The following MYO7A variants were observed in gnomAD, a reference collection of about 807,000 sequenced individuals.
The protein encoded by MYO7A is myosin VIIA.
A neutral mutation model predicts 263.8 loss-of-function variants in MYO7A; 210 were observed. The ratio of observed to expected loss-of-function variants is 0.80; its 90% confidence interval spans 0.71 to 0.89. The LOEUF (loss-of-function observed/expected upper bound fraction) is 0.89. Among genes scored for constraint, MYO7A ranks in the 40% least tolerant of loss-of-function variants. MYO7A has a pLI of 0.00. For missense variants in MYO7A, 2,820 were observed against 2,968.3 expected, an observed-to-expected ratio of 0.95 and a Z score of 1.16; for synonymous variants, 1,239 against 1,197.3, an observed-to-expected ratio of 1.03 and a Z score of -0.72.
chr11:77,205,526 A>T lies in MYO7A; in HGVS notation c.5545A>T (p.Ile1849Phe). The part of the protein sequence containing the change: ...LCTGLFPPSN[I>F]LLPHVQRFLQ... ...CACGGGCCTTTTCCCACCCAGCAAC[A>T]TCCTCCTGCCCCACGTGCAGCGCTT... The change falls in exon 40 of 49, where the codon ATC becomes TTC. Residue 1849 changes from isoleucine (I) to phenylalanine (F), a missense_variant. Coordinates refer to ENST00000409709, the MANE Select transcript of MYO7A (RefSeq NM_000260.4). The T allele has an allele frequency of 6.2e-7, 1 of 1,606,948 alleles. No homozygotes were observed. The highest frequency in any genetic ancestry group is 8.5e-7 in the Non-Finnish European group (1 of 1,177,296).
intron 46 of MYO7A, 157 bp downstream of exon 46, chr11:77,212,094 G>A (rs756624320): frequency 4.2e-5 from 30 of 720,938 alleles, no homozygotes; most frequent in Middle Eastern, 2.3e-4. Context: ...CCAGCTTAGC[G>A]TCTTAGCTGG....
At chr11:77,196,588 A>G (rs1956680533) in intron 32 of MYO7A, among the ~76,000 whole-genome samples, 1 of 152,202 alleles carries the variant, frequency 6.6e-6, no homozygotes, top group Non-Finnish European at 1.5e-5. Flanking sequence ...TCCCAGATTC[A>G]CTGGGTGATA....
intron 4 of MYO7A, among the ~76,000 whole-genome samples, chr11:77,150,148 C>T (rs1241930187): frequency 2.6e-5 from 4 of 152,238 alleles, no homozygotes; most frequent in African/African-American, 9.6e-5. Flanking sequence ...AAGGCCCACT[C>T]TCCTGTCAGG....
At chr11:77,139,136 G>T (rs1016716741) in intron 2 of MYO7A, among the ~76,000 whole-genome samples, 3 of 152,228 alleles carry the variant, frequency 2.0e-5, no homozygotes, top group Non-Finnish European at 4.4e-5. Context: ...CCATTTCATG[G>T]CTGGTGGAAA....
chr11:77,145,783 T>A (rs561644586), intron 3 of MYO7A, among the ~76,000 whole-genome samples: 47 of 152,104 alleles, frequency 3.1e-4, no homozygotes, highest in African/African-American at 1.1e-3. Flanking sequence ...TCAGGGAAAC[T>A]GGGGTGGGGG....
chr11:77,173,421 C>T (rs533628851), intron 16 of MYO7A, among the ~76,000 whole-genome samples: 55 of 152,330 alleles, frequency 3.6e-4, no homozygotes, highest in African/African-American at 1.3e-3. Context: ...ATTTGTTGGG[C>T]CCTTTCTGTG....
Position 77,214,805 on chromosome 11 carries a change from G to T in MYO7A, c.*109G>T. 2.2e-6 allele frequency: 2 copies of T among 909,836 alleles called. No homozygotes were observed. The highest frequency in any genetic ancestry group is 3.4e-6 in the Non-Finnish European group (2 of 594,864). The allele number at this position is 909,836 out of a possible 1,614,324, so 56.4% of individuals were successfully genotyped here. A position where few individuals can be genotyped will look rare whatever the true frequency, so the allele number is the denominator to read the frequency against. On this transcript the variant is annotated 3_prime_UTR_variant, in exon 49 of 49. Coordinates refer to ENST00000409709, the MANE Select transcript of MYO7A (RefSeq NM_000260.4). ...AAGACTTATGCCATCCCGGCAGCGAGGCTGGGCTGGCCAGCCACCACTGAC... is the reference window on the plus strand; with the variant it reads ...AAGACTTATGCCATCCCGGCAGCGATGCTGGGCTGGCCAGCCACCACTGAC...
chr11:77,208,373 A>C, intron 42 of MYO7A, 57 bp from the exon 43 acceptor site: 1 of 1,340,464 alleles, frequency 7.5e-7, no homozygotes, highest in Non-Finnish European at 1.1e-6. Flanking sequence ...TTAGGTGGGA[A>C]GGTCAGAAAA....
chr11:77,171,159 G>A (rs964038831), intron 15 of MYO7A, among the ~76,000 whole-genome samples: 2 of 152,372 alleles, frequency 1.3e-5, no homozygotes, highest in South Asian at 2.1e-4. Flanking sequence ...GACCAAAGAA[G>A]GGTGTGCGTG....
chr11:77,139,453 G>A (rs56104453), intron 2 of MYO7A: 6,977 of 152,310 alleles, frequency 0.046, 213 homozygotes, highest in Non-Finnish European at 0.066. Flanking sequence ...GGCATGTGTC[G>A]TGTCACAAAC....
chr11:77,146,347 C>A (rs1555053649), intron 3 of MYO7A, among the ~76,000 whole-genome samples: 1 of 152,106 alleles, frequency 6.6e-6, no homozygotes, highest in African/African-American at 2.4e-5. Flanking sequence ...CCCAGAGTGA[C>A]AGGGTCAGGA....
At chr11:77,207,204 T>C (rs1489641395) in intron 41 of MYO7A, 85 bp from the exon 42 acceptor site, 1 of 898,640 alleles carries the variant, frequency 1.1e-6, no homozygotes, top group African/African-American at 1.7e-5. Context: ...GGGGGCTCAG[T>C]ATAGGAGGCA....
chr11:77,208,726 T>A lies in MYO7A; in HGVS notation c.5974T>A (p.Phe1992Ile), dbSNP rs771906493. The A allele has an allele frequency of 8.8e-6, 14 of 1,587,402 alleles. No homozygotes were observed. The highest frequency in any genetic ancestry group is 1.2e-5 in the Non-Finnish European group (14 of 1,166,628). Reference protein sequence around the residue: ...GIVPSLTYQVFFMKKLWTTTV... With the variant: ...GIVPSLTYQVIFMKKLWTTTV... ...TGTGCCCTCACTCACCTACCAGGTGTTCTTCATGAAGAAGCTGTGGACCAC... is the reference window on the plus strand; with the variant it reads ...TGTGCCCTCACTCACCTACCAGGTGATCTTCATGAAGAAGCTGTGGACCAC... Residue 1992 changes from phenylalanine to isoleucine, a missense_variant, in exon 44 of 49, where the codon TTC becomes ATC. Transcript: ENST00000409709.
At chr11:77,179,397 C>T (rs1315018000) in intron 20 of MYO7A, among the ~76,000 whole-genome samples, 4 of 152,166 alleles carry the variant, frequency 2.6e-5, no homozygotes, top group East Asian at 1.9e-4. Context: ...AGATCTCAGA[C>T]AGGGTGAGAG....
chr11:77,191,803 C>T (rs1271393426), intron 30 of MYO7A, among the ~76,000 whole-genome samples: 2 of 152,226 alleles, frequency 1.3e-5, no homozygotes, highest in African/African-American at 4.8e-5. Flanking sequence ...TTCAGTTTCC[C>T]AAAAAGCTTC....
rs1951487944 is a variant in MYO7A, at chr11:77,145,323, A to G, written c.133-2475A>G. Among the ~76,000 whole-genome samples, 6 of 152,184 alleles carry G rather than the reference A, an allele frequency of 3.9e-5. No homozygotes were observed. The South Asian group carries it at 1.2e-3, about 32-fold the overall frequency. ...CGTGATCACATCCATCAGTCCTCCC[A>G]AAACCCCTGGGAAGAAGGGATTCTT... On this transcript the variant is annotated intron_variant, in intron 3 of 48. Transcript: ENST00000409709.
intron 12 of MYO7A, 24 bp from the exon 13 acceptor site, chr11:77,162,096 T>C: frequency 6.3e-7 from 1 of 1,575,104 alleles, no homozygotes; most frequent in Non-Finnish European, 8.6e-7. Context: ...ACAACACCCT[T>C]ACCCCATCCC....
intron 41 of MYO7A, chr11:77,207,004 C>A: frequency 3.3e-6 from 1 of 306,874 alleles, no homozygotes; most frequent in Non-Finnish European, 6.0e-6. Context: ...AGTCATCCTG[C>A]TGTGCTCCCT....
At position 77,147,839 on chromosome 11, in the gene MYO7A, T is replaced by G. The variant is rs1191341546; in HGVS notation, c.174T>G (p.Pro58=). Residue 58 remains proline, a synonymous_variant, in exon 4 of 49, where the codon CCT becomes CCG. Transcript: ENST00000409709. Reference sequence around the variant, plus strand: ...CGCAGAACGCAACGCACATCAAGCCTATGCACCCCACGTCGGTCCACGGCG... The same window carrying G: ...CGCAGAACGCAACGCACATCAAGCCGATGCACCCCACGTCGGTCCACGGCG... ...ISPQNATHIK[P]MHPTSVHGVE... 1 of 1,610,260 alleles carries G rather than the reference T, an allele frequency of 6.2e-7. No individual in the cohort carries two copies. The highest frequency in any genetic ancestry group is 1.3e-5 in the African/African-American group (1 of 74,860).
Sources: allele counts gnomAD v4.1 joint callset (sites outside exome capture counted in the v4.1 genomes callset), GRCh38; gene constraint gnomAD v4.1.1; transcripts MANE v1.5; gene names NCBI Gene and HGNC (gene_info 2026-07-23, HGNC 2026-07-21).